Variants in CEP83 observed in about 807,000 individuals in gnomAD.
The protein encoded by CEP83 is centrosomal protein of 83 kDa.
A neutral mutation model predicts 101.9 loss-of-function variants in CEP83; 70 were observed. The observed-to-expected ratio is 0.69, with a 90% CI of 0.57 to 0.84. CEP83 has a LOEUF of 0.84. CEP83 is among the 40% of genes least tolerant of loss of function. CEP83 has a pLI of 0.00. For missense variants in CEP83, 715 were observed against 787.2 expected (o/e 0.91, Z 1.10); for synonymous variants, 264 against 267.9 (o/e 0.99, Z 0.14).
intron 6 of CEP83, among the ~76,000 whole-genome samples, chr12:94,380,423 G>C: frequency 6.6e-6 from 1 of 152,144 alleles, no homozygotes; most frequent in East Asian, 1.9e-4. Flanking sequence ...GTGGCATTTA[G>C]AGTTAAGTCC....
the CEP83 span, chr12:94,282,427 C>A: frequency 7.0e-7 from 1 of 1,432,368 alleles, no homozygotes; most frequent in South Asian, 1.2e-5. Flanking sequence ...GACCCCGTGT[C>A]TCCTTCCTCA....
intron 11 of CEP83, 42 bp from the exon 12 acceptor site, chr12:94,335,706 T>G (rs757205471): frequency 1.6e-6 from 2 of 1,286,430 alleles, no homozygotes; most frequent in East Asian, 2.4e-5. Context: ...TAAGAATCCA[T>G]GATTCATTTA....
chr12:94,316,001 A>G (rs887697813), intron 14 of CEP83, among the ~76,000 whole-genome samples: 3 of 152,118 alleles, frequency 2.0e-5, no homozygotes, highest in South Asian at 4.1e-4. Flanking sequence ...GTACTTTCAG[A>G]TGAATTTTAG....
rs141565624 is a variant in CEP83, at chr12:94,416,621, T to C, written c.-101-4030A>G. Among the ~76,000 whole-genome samples the C allele has an allele frequency of 8.8e-4, 132 of 149,500 alleles. 1 individual carries two copies. The East Asian group carries it at 0.025, about 28-fold the overall frequency. ...CACCCCCATCCACACAAGCAAAGAT[T>C]AGGTGGAAGCCAAGCTAGGCTGTAA... On this transcript the variant is annotated intron_variant, in intron 2 of 16. Coordinates refer to ENST00000397809, the MANE Select transcript of CEP83 (RefSeq NM_016122.3).
At position 94,346,678 on chromosome 12, in the gene CEP83, G is replaced by C. The variant is rs1002493750; in HGVS notation, c.1344-11014C>G. Among the ~76,000 whole-genome samples the C allele has an allele frequency of 3.3e-5, 5 of 152,184 alleles. No homozygotes were observed. In the South Asian group the frequency reaches 8.3e-4, roughly 25 times the overall value. On this transcript the variant is annotated intron_variant, in intron 11 of 16. Coordinates refer to ENST00000397809, the MANE Select transcript of CEP83 (RefSeq NM_016122.3). ...CAGGATCTGATGCTATCTCCATATA[G>C]AGAGCAGTAGAATCAAATTAGATTA...
At chr12:94,430,569 A>G (rs1250509547) in intron 2 of CEP83, among the ~76,000 whole-genome samples, 1 of 152,170 alleles carries the variant, frequency 6.6e-6, no homozygotes, top group East Asian at 1.9e-4. Context: ...TAACCCAATC[A>G]GACAAAAGGT....
chr12:94,294,636 T>A, the CEP83 span: 1 of 622,364 alleles, frequency 1.6e-6, no homozygotes, highest in Non-Finnish European at 3.0e-6. Flanking sequence ...AAGGTGAGAT[T>A]GAGTTGTTGC....
At chr12:94,454,076 ACAGAG>A (rs2067455919) in intron 1 of CEP83, among the ~76,000 whole-genome samples, 1 of 151,518 alleles carries the variant, frequency 6.6e-6, no homozygotes, top group African/African-American at 2.4e-5. Flanking sequence ...TAGCCTGCTG[ACAGAG>A]TAAGACTATG....
chr12:94,337,425 A>T (rs2059496292), intron 11 of CEP83, among the ~76,000 whole-genome samples: 1 of 152,190 alleles, frequency 6.6e-6, no homozygotes, highest in Non-Finnish European at 1.5e-5. Context: ...TTAGTCCATG[A>T]TTTAAGATCA....
chr12:94,431,867 C>G (rs1260926051), intron 2 of CEP83, among the ~76,000 whole-genome samples: 1 of 152,104 alleles, frequency 6.6e-6, no homozygotes, highest in Non-Finnish European at 1.5e-5. Context: ...CTATGAAAAA[C>G]AGCACGAAGA....
intron 14 of CEP83, among the ~76,000 whole-genome samples, chr12:94,327,296 A>AATGATCATGTT (rs1324261417): frequency 2.0e-5 from 3 of 152,180 alleles, no homozygotes; most frequent in Non-Finnish European, 4.4e-5. Flanking sequence ...ACTTTTTTTC[A>AATGATCATGTT]ATGATCATGT....
intron 1 of CEP83, among the ~76,000 whole-genome samples, chr12:94,456,362 C>T (rs925843539): frequency 7.2e-5 from 11 of 152,230 alleles, no homozygotes; most frequent in African/African-American, 2.7e-4. Flanking sequence ...CCTTCACTTA[C>T]TCTCTTCTCT....
At chr12:94,283,208 G>GTGGCT in the CEP83 span, among the ~76,000 whole-genome samples, 1 of 152,190 alleles carries the variant, frequency 6.6e-6, no homozygotes, top group African/African-American at 2.4e-5. Flanking sequence ...GTAGTGCTGT[G>GTGGCT]TGGCTTGGAG....
At chr12:94,365,771 A>C (rs2136988239) in intron 11 of CEP83, among the ~76,000 whole-genome samples, 1 of 139,508 alleles carries the variant, frequency 7.2e-6, no homozygotes, top group South Asian at 2.2e-4. Context: ...CTGTGTTTGA[A>C]AAAAAAAAAA....
intron 6 of CEP83, among the ~76,000 whole-genome samples, chr12:94,388,082 T>C (rs537041587): frequency 1.8e-4 from 27 of 152,346 alleles, no homozygotes; most frequent in African/African-American, 6.5e-4. Context: ...ACTGGGTATA[T>C]ACTGAAAGGA....
intron 2 of CEP83, among the ~76,000 whole-genome samples, chr12:94,416,258 C>A (rs1157921164): frequency 6.6e-6 from 1 of 151,974 alleles, no homozygotes; most frequent in African/African-American, 2.4e-5. Context: ...AACTAAGAGT[C>A]CTGGATTTAG....
intron 11 of CEP83, among the ~76,000 whole-genome samples, chr12:94,336,050 G>C (rs541720785): frequency 3.3e-5 from 5 of 152,030 alleles, no homozygotes; most frequent in African/African-American, 1.2e-4. Context: ...GTTTAGGAGA[G>C]GCCAACTTAC....
At chr12:94,324,629 T>G (rs900045398) in intron 14 of CEP83, among the ~76,000 whole-genome samples, 1 of 152,202 alleles carries the variant, frequency 6.6e-6, no homozygotes, top group African/African-American at 2.4e-5. Flanking sequence ...TTCCTCACTG[T>G]ACATCTTCTG....
chr12:94,333,052 A>C (rs2059296420), intron 13 of CEP83, among the ~76,000 whole-genome samples: 1 of 150,628 alleles, frequency 6.6e-6, no homozygotes, highest in Non-Finnish European at 1.5e-5. Context: ...GACCAAAAAA[A>C]AAAAAAAAAA....
Sources: gnomAD v4.1 joint callset for allele counts (sites outside exome capture counted in the v4.1 genomes callset) on GRCh38, gnomAD v4.1.1 for gene constraint, MANE v1.5 for transcripts, NCBI Gene and HGNC (gene_info 2026-07-23, HGNC 2026-07-21) for gene names.